The following KANK1 variants were observed in gnomAD, a reference collection of about 807,000 sequenced individuals.
KANK1 encodes KN motif and ankyrin repeat domain-containing protein 1.
KANK1 carries 109 observed loss-of-function variants against 106.2 expected under a neutral mutation model. The observed-to-expected ratio is 1.03, with a 90% confidence interval of 0.88 to 1.20. KANK1 has a LOEUF of 1.20. Ranked by LOEUF, KANK1 falls within the 50% of genes most tolerant of loss-of-function variation. KANK1 has a pLI of 0.00. For synonymous variants in KANK1, 873 were observed against 652.2 expected (o/e 1.34, Z -5.16); for missense variants, 2,399 against 1,710.7 (o/e 1.40, Z -7.10).
intron 1 of KANK1, among the ~76,000 whole-genome samples, chr9:669,145 T>C (rs1040691318): frequency 3.3e-5 from 5 of 152,212 alleles, no homozygotes; most frequent in Non-Finnish European, 7.3e-5. Context: ...CGTATTTTGA[T>C]ATTGCCTATC....
intron 6 of KANK1, 100 bp from the exon 7 acceptor site, chr9:734,648 A>G: frequency 1.3e-6 from 1 of 768,276 alleles, no homozygotes; most frequent in Non-Finnish European, 2.2e-6. Flanking sequence ...CCTGGGCGAC[A>G]GAGCATGACC....
At chr9:557,371 A>G (rs1323382493) in intron 1 of KANK1, among the ~76,000 whole-genome samples, 1 of 152,182 alleles carries the variant, frequency 6.6e-6, no homozygotes, top group Non-Finnish European at 1.5e-5. Context: ...TGATGGGTGC[A>G]TTGTATTCAA....
chr9:602,561 A>T (rs896623031), intron 1 of KANK1, among the ~76,000 whole-genome samples: 2 of 149,546 alleles, frequency 1.3e-5, no homozygotes, highest in Non-Finnish European at 2.9e-5. Context: ...CCCGGCCCCC[A>T]TTCCATATTT....
At chr9:483,659 C>A (rs1420376098) in intron 3 of KANK1, among the ~76,000 whole-genome samples, 1 of 152,118 alleles carries the variant, frequency 6.6e-6, no homozygotes, top group Non-Finnish European at 1.5e-5. Flanking sequence ...CCTCATTGAT[C>A]CATAATGAAA....
chr9:509,411 C>A (rs1205396592), intron 1 of KANK1, among the ~76,000 whole-genome samples: 2 of 152,210 alleles, frequency 1.3e-5, no homozygotes, highest in Non-Finnish European at 2.9e-5. Flanking sequence ...ATATTTACCC[C>A]ATCCTAGCAG....
intron 1 of KANK1, among the ~76,000 whole-genome samples, chr9:589,592 T>C (rs16920594): frequency 0.023 from 3,512 of 152,002 alleles, 125 homozygotes; most frequent in African/African-American, 0.08. Flanking sequence ...GCTGGCTGAA[T>C]AGATCAGGGT....
intron 1 of KANK1, among the ~76,000 whole-genome samples, chr9:521,811 A>G (rs2059568339): frequency 6.6e-6 from 1 of 151,410 alleles, no homozygotes; most frequent in Non-Finnish European, 1.5e-5. Context: ...CAGGAGATCC[A>G]CCCACCTCAG....
chr9:740,343 T>C (rs1321718318), intron 8 of KANK1, among the ~76,000 whole-genome samples: 1 of 152,134 alleles, frequency 6.6e-6, no homozygotes, highest in African/African-American at 2.4e-5. Flanking sequence ...GAATGAGTAA[T>C]GTTTGGATAA....
At chr9:643,231 G>A (rs1838873492) in intron 1 of KANK1, among the ~76,000 whole-genome samples, 1 of 150,838 alleles carries the variant, frequency 6.6e-6, no homozygotes, top group Admixed American at 6.6e-5. Context: ...GTGTGTGTCT[G>A]TATTTTCTAA....
In KANK1 at chr9:738,396, G is replaced by A; in HGVS notation, c.3445G>A (p.Asp1149Asn). 1 of 1,614,146 alleles carries A rather than the reference G, an allele frequency of 6.2e-7. No individual in the cohort carries two copies. The highest frequency in any genetic ancestry group is 8.5e-7 in the Non-Finnish European group (1 of 1,180,008). ...AGCTGCTTTTGAGGCCATTTCCCCA[G>A]ATGTCCTCCGCTATGTCATCAACTT... ...YIAAFEAISP[D>N]VLRYVINLAD... Residue 1149 changes from aspartate to asparagine, a missense_variant, in exon 8 of 12, where the codon GAT becomes AAT. Transcript: ENST00000382297.
At chr9:620,269 C>T (rs941915633) in intron 1 of KANK1, among the ~76,000 whole-genome samples, 1 of 152,170 alleles carries the variant, frequency 6.6e-6, no homozygotes. Flanking sequence ...TTAATCACAT[C>T]CATTCCTTTC....
In KANK1 at chr9:711,593, A is replaced by C; in HGVS notation, c.827A>C (p.Glu276Ala). The stretch of plus-strand genomic sequence containing the variant: ...GCCATTGCTCTGAAACGCCTGAAGG[A>C]GCTGGAGGAGCAGGTGCGAACCATC... ...QMAIALKRLK[E>A]LEEQVRTIPV... Residue 276 changes from glutamate to alanine, a missense_variant, in exon 3 of 12, where the codon GAG (glutamate) becomes GCG (alanine). Transcript: ENST00000382297. 4 of 1,614,154 alleles carry C rather than the reference A, an allele frequency of 2.5e-6. No individual in the cohort carries two copies. The highest frequency in any genetic ancestry group is 3.4e-6 in the Non-Finnish European group (4 of 1,180,028).
intron 1 of KANK1, among the ~76,000 whole-genome samples, chr9:651,526 C>T (rs1350228109): frequency 1.3e-5 from 2 of 152,152 alleles, no homozygotes; most frequent in African/African-American, 4.8e-5. Flanking sequence ...TTGGATACAT[C>T]CTCTGTTGAA....
chr9:596,861 A>G (rs1488315082), intron 1 of KANK1, among the ~76,000 whole-genome samples: 1 of 151,850 alleles, frequency 6.6e-6, no homozygotes, highest in East Asian at 1.9e-4. Context: ...TTTTGTCACT[A>G]CAAAAGAAAA....
chr9:730,149 G>T lies in KANK1; in HGVS notation c.2797G>T (p.Glu933Ter). Residue 933 changes from glutamate to a stop codon, truncating the protein, a stop_gained, in exon 4 of 12, where the codon GAA (glutamate) becomes TAA (stop). Transcript: ENST00000382297. LOFTEE classifies it high-confidence loss of function. ...SQPEQEVGTSEGKPISSLDAF... is the reference protein window; with the variant it reads ...SQPEQEVGTS ...GCCTGAGCAAGAAGTGGGGACCTCA[G>T]AAGGAAAGCCAATCAGCAGCCTGGA... 1 of 1,614,190 alleles carries T rather than the reference G, an allele frequency of 6.2e-7. No individual in the cohort carries two copies. Among genetic ancestry groups the T allele is most frequent in the Non-Finnish European group, 8.5e-7 (1 of 1,180,026 alleles).
intron 3 of KANK1, among the ~76,000 whole-genome samples, chr9:728,157 A>C (rs1018319233): frequency 6.6e-6 from 1 of 152,164 alleles, no homozygotes; most frequent in African/African-American, 2.4e-5. Flanking sequence ...TTACCCTAAA[A>C]TATATTTCTT....
At chr9:718,994 C>G (rs1828552300) in intron 3 of KANK1, among the ~76,000 whole-genome samples, 1 of 128,282 alleles carries the variant, frequency 7.8e-6, no homozygotes, top group African/African-American at 3.0e-5. Flanking sequence ...CAGTCACACT[C>G]TGTCACCCAG....
rs1183645459 is a variant in KANK1 at position 713,162 on chromosome 9, T to C, written c.2396T>C (p.Val799Ala). ...GLTASRRSVG[V>A]GDDPVGESLE... is the part of the protein sequence containing the mutation. The stretch of plus-strand genomic sequence containing the variant: ...ACAGCCAGCAGAAGGAGCGTGGGGG[T>C]TGGGGATGACCCTGTAGGGGAATCT... The change falls in exon 3 of 12, where the codon GTT (valine) becomes GCT (alanine). Residue 799 changes from valine to alanine, a missense_variant. Physicochemically the swap from Val to Ala is moderately conservative, Grantham distance 64. Transcript: ENST00000382297. The C allele has an allele frequency of 1.3e-6, 2 of 1,589,594 alleles. No homozygotes were observed. Among genetic ancestry groups the C allele is most frequent in the Non-Finnish European group, 1.7e-6 (2 of 1,166,950 alleles).
chr9:476,281 G>A lies in KANK1; in HGVS notation c.-362+3008G>A, dbSNP rs573236629. ...CACGCCTGTAATCCCAGCACTTTGGGAGGCCGAGGCGGGTGGATCACCTGA... is the reference window on the plus strand; with the variant it reads ...CACGCCTGTAATCCCAGCACTTTGGAAGGCCGAGGCGGGTGGATCACCTGA... On this transcript the variant is annotated intron_variant, in intron 3 of 15. Transcript: ENST00000382303. Among the ~76,000 whole-genome samples the A allele has an allele frequency of 1.4e-4, 22 of 152,282 alleles. No individual in the cohort carries two copies. In the South Asian group the frequency reaches 2.7e-3, roughly 19 times the overall value.
Sources: allele counts gnomAD v4.1 joint callset (sites outside exome capture counted in the v4.1 genomes callset), GRCh38; gene constraint gnomAD v4.1.1; transcripts MANE v1.5; gene names NCBI Gene and HGNC (gene_info 2026-07-23, HGNC 2026-07-21).